DBNDD1: variants seen among roughly 807,000 people sequenced by gnomAD.
DBNDD1 encodes the protein dysbindin domain-containing protein 1.
A neutral mutation model predicts 17.0 loss-of-function variants in DBNDD1; 14 were observed. The observed-to-expected ratio is 0.82, with a 90% CI of 0.54 to 1.29. DBNDD1 has a LOEUF of 1.29. Among genes scored for constraint, DBNDD1 ranks in the 50% most tolerant of loss-of-function variants. The probability of loss-of-function intolerance (pLI) is 0.00; values close to 1 mark genes in which losing one functional copy is unlikely to be tolerated. For missense variants in DBNDD1, 221 were observed against 216.2 expected (o/e 1.02, Z -0.14); for synonymous variants, 105 against 102.0 (o/e 1.03, Z -0.18).
chr16:90,019,701 G>C, upstream of DBNDD1: 1 of 570,786 alleles, frequency 1.8e-6, no homozygotes, highest in South Asian at 2.0e-5. This position sits in a 1 kb window ranked among gnomAD's most constrained non-coding sequence, Gnocchi z 6.1. Context: ...GACCCCGGCC[G>C]GGCGTCCGGG....
In DBNDD1 at chr16:90,019,187, C is replaced by T. The variant is rs2035716279; in HGVS notation, c.31+124G>A. On this transcript the variant is annotated intron_variant, in intron 1 of 3. Transcript: ENST00000002501. This position sits in a 1 kb window ranked among gnomAD's most constrained non-coding sequence, Gnocchi z 6.1. ...GGTGCCCCTGGCCCGCCGGACGACCCCGAGCTGCCAAAGGGGTCTTCGCGA... is the reference window on the plus strand; with the variant it reads ...GGTGCCCCTGGCCCGCCGGACGACCTCGAGCTGCCAAAGGGGTCTTCGCGA... The T allele has an allele frequency of 2.4e-6, 1 of 424,202 alleles. No individual in the cohort carries two copies. Among genetic ancestry groups the T allele is most frequent in the African/African-American group, 2.1e-5 (1 of 47,850 alleles). 26.3% of individuals were successfully genotyped at this position (424,202 alleles called of 1,614,324 possible).
intron 1 of DBNDD1, among the ~76,000 whole-genome samples, chr16:90,013,262 T>TAGAAAAAAAAAAAAAAAAAAAA (rs2035586308): frequency 2.0e-5 from 1 of 49,182 alleles, no homozygotes; most frequent in Non-Finnish European, 4.4e-5. Context: ...AACCTTGCCT[T>TAGAAAAAAAAAAAAAAAAAAAA]AAAAAAAAAA....
rs530658984 is a variant in DBNDD1 at position 90,014,332 on chromosome 16, G to A, written c.32-4902C>T. Among the ~76,000 whole-genome samples the A allele has an allele frequency of 3.0e-4, 45 of 152,078 alleles. 1 individual carries two copies. The East Asian group carries it at 6.2e-3, about 21-fold the overall frequency. On this transcript the variant is annotated intron_variant, in intron 1 of 3. Coordinates refer to ENST00000002501, the MANE Select transcript of DBNDD1 (RefSeq NM_001042610.3). ...AGTAGAGATGGGGTTTCTCCCTGTT[G>A]GCCAGGCTGGTCTTGAACTCCTGAC...
At chr16:90,006,793 C>T (rs1308010170) in intron 3 of DBNDD1, 2 of 348,738 alleles carry the variant, frequency 5.7e-6, no homozygotes, top group East Asian at 9.4e-5. Context: ...CTGGTGGGGC[C>T]TCCCTAAACT....
upstream of DBNDD1, chr16:90,019,606 G>A: frequency 5.8e-6 from 2 of 344,478 alleles, no homozygotes; most frequent in Non-Finnish European, 1.0e-5. This position sits in a 1 kb window ranked among gnomAD's most constrained non-coding sequence, Gnocchi z 6.1. Context: ...CTGGCCCCTG[G>A]CCCAGCGGAC....
chr16:90,013,597 C>T (rs1445813740), intron 1 of DBNDD1, among the ~76,000 whole-genome samples: 1 of 152,176 alleles, frequency 6.6e-6, no homozygotes, highest in Non-Finnish European at 1.5e-5. Flanking sequence ...GCTTAGGTTC[C>T]CTGGGTCCTG....
intron 1 of DBNDD1, among the ~76,000 whole-genome samples, chr16:90,015,310 A>G (rs1030960296): frequency 6.6e-6 from 1 of 152,214 alleles, no homozygotes; most frequent in African/African-American, 2.4e-5. Flanking sequence ...CAGGAGGGGC[A>G]CGATGGATCT....
intron 1 of DBNDD1, chr16:90,011,762 C>G (rs1218722244): frequency 4.6e-6 from 2 of 431,646 alleles, no homozygotes; most frequent in East Asian, 1.4e-4. Flanking sequence ...CCCCCAAGCC[C>G]AGCAGGGATA....
rs114165074 is a variant in DBNDD1, at chr16:90,014,579, C to G, written c.31+4732G>C. On this transcript the variant is annotated intron_variant, in intron 1 of 3. Transcript: ENST00000002501. ...CATCTTGCACTGGAGAGGGGGCATGCGAATGCCAGCAGTCCTCATTATAGA... is the reference window on the plus strand; with the variant it reads ...CATCTTGCACTGGAGAGGGGGCATGGGAATGCCAGCAGTCCTCATTATAGA... Among the ~76,000 whole-genome samples the G allele has an allele frequency of 5.2e-3, 792 of 152,230 alleles. 8 individuals carry two copies. Among genetic ancestry groups the G allele is most frequent in the East Asian group, 0.024 (126 of 5,172 alleles).
chr16:90,010,149 G>A (rs554110879), intron 1 of DBNDD1: 47 of 1,074,484 alleles, frequency 4.4e-5, no homozygotes, highest in Non-Finnish European at 6.1e-5. Flanking sequence ...GGGTTTGAGC[G>A]ATTCTCCTGC....
chr16:90,011,817 C>A, intron 1 of DBNDD1: 1 of 371,926 alleles, frequency 2.7e-6, no homozygotes, highest in South Asian at 2.0e-5. Context: ...GAGATGTGGA[C>A]TCTGTTCTAA....
At position 90,017,366 on chromosome 16, in the gene DBNDD1, G is replaced by T. The variant is rs2035657184; in HGVS notation, c.31+1945C>A. Among the ~76,000 whole-genome samples the T allele has an allele frequency of 3.9e-5, 6 of 152,176 alleles. No homozygotes were observed. In the South Asian group the frequency reaches 1.2e-3, roughly 32 times the overall value. On this transcript the variant is annotated intron_variant, in intron 1 of 3. Coordinates refer to ENST00000002501, the MANE Select transcript of DBNDD1 (RefSeq NM_001042610.3). ...AAAAATCAGCCAGGTGTGGTGGCGG[G>T]CGCCTGTAGTCCCAGCCACTGGGGA...
chr16:90,016,870 A>C (rs1205027065), intron 1 of DBNDD1, among the ~76,000 whole-genome samples: 1 of 152,208 alleles, frequency 6.6e-6, no homozygotes, highest in Non-Finnish European at 1.5e-5. Flanking sequence ...CATAAAACTA[A>C]ATGGCTGGAA....
chr16:90,010,207 G>T, intron 1 of DBNDD1: 1 of 607,368 alleles, frequency 1.6e-6, no homozygotes, highest in Non-Finnish European at 2.8e-6. Flanking sequence ...CAGCACGCCC[G>T]GCTAATTTTT....
intron 1 of DBNDD1, among the ~76,000 whole-genome samples, chr16:90,013,433 G>A (rs1420117672): frequency 1.3e-5 from 2 of 152,076 alleles, no homozygotes; most frequent in African/African-American, 2.4e-5. Context: ...GCAGCTCAGC[G>A]TCTGTCCCCA....
intron 1 of DBNDD1, 87 bp from the exon 2 acceptor site, chr16:90,009,517 C>T: frequency 6.4e-7 from 1 of 1,564,588 alleles, no homozygotes; most frequent in Non-Finnish European, 8.7e-7. Flanking sequence ...GGACTTGGCA[C>T]ATCCAGTCCT....
At chr16:90,015,251 G>A (rs548029958) in intron 1 of DBNDD1, among the ~76,000 whole-genome samples, 33 of 152,238 alleles carry the variant, frequency 2.2e-4, no homozygotes, top group African/African-American at 6.3e-4. Context: ...ATCAGGACAC[G>A]AATTTTTTGG....
chr16:90,006,052 C>T lies in DBNDD1; in HGVS notation c.*283G>A, dbSNP rs143271558. On this transcript the variant is annotated 3_prime_UTR_variant, in exon 4 of 4. Coordinates refer to ENST00000002501, the MANE Select transcript of DBNDD1 (RefSeq NM_001042610.3). Reference sequence around the variant, plus strand: ...ACTCGGGGCCCAGGAACGAGCTGGACGTAAGGCCACTGGGCTGTGCTTGTG... The same window carrying T: ...ACTCGGGGCCCAGGAACGAGCTGGATGTAAGGCCACTGGGCTGTGCTTGTG... The T allele has an allele frequency of 1.8e-3, 667 of 372,180 alleles. 2 individuals carry two copies. The highest frequency in any genetic ancestry group is 0.012 in the African/African-American group (625 of 50,214). 23.1% of individuals were successfully genotyped at this position (372,180 alleles called of 1,614,324 possible). A position where few individuals can be genotyped will look rare whatever the true frequency, so the allele number is the denominator to read the frequency against.
chr16:90,018,781 C>T (rs998748663), intron 1 of DBNDD1, among the ~76,000 whole-genome samples: 3 of 152,218 alleles, frequency 2.0e-5, no homozygotes, highest in African/African-American at 7.2e-5. Flanking sequence ...GCTCTGGAGT[C>T]CCCGGCAGGC....
Sources: gnomAD v4.1 joint callset for allele counts (sites outside exome capture counted in the v4.1 genomes callset) on GRCh38, gnomAD v4.1.1 for gene constraint, Gnocchi (gnomAD v3.1) non-coding constraint, MANE v1.5 for transcripts, NCBI Gene and HGNC (gene_info 2026-07-23, HGNC 2026-07-21) for gene names.